The following RGS6 variants were observed in gnomAD, a reference collection of about 807,000 sequenced individuals.
RGS6 encodes the protein regulator of G protein signaling 6, also known as regulator of G-protein signaling 6.
Under a neutral mutation model 78.5 loss-of-function variants are expected in RGS6, and 30 were observed. The ratio of observed to expected loss-of-function variants is 0.38; its 90% CI spans 0.29 to 0.52. The LOEUF (loss-of-function observed/expected upper bound fraction) is 0.52. Among genes scored for constraint, RGS6 ranks in the 20% least tolerant of loss-of-function variants. The probability of loss-of-function intolerance (pLI) is 0.85; values close to 1 mark genes in which losing one functional copy is unlikely to be tolerated. For synonymous variants in RGS6, 206 were observed against 206.0 expected (o/e 1.00, Z 0.00); for missense variants, 495 against 609.7 (o/e 0.81, Z 1.98).
At chr14:72,619,275 T>A in the RGS6 span, 5 of 1,535,378 alleles carry the variant, frequency 3.3e-6, no homozygotes, top group Non-Finnish European at 4.4e-6. Context: ...CAGCAGCGAG[T>A]CACATTCTGT....
chr14:72,026,812 G>A (rs1567047447), intron 2 of RGS6, among the ~76,000 whole-genome samples: 1 of 152,170 alleles, frequency 6.6e-6, no homozygotes, highest in African/African-American at 2.4e-5. Context: ...ATTGTTATTT[G>A]AAAAAACAAG....
At chr14:72,523,070 C>T (rs2097070351) in intron 15 of RGS6, among the ~76,000 whole-genome samples, 1 of 152,216 alleles carries the variant, frequency 6.6e-6, no homozygotes, top group South Asian at 2.1e-4. Flanking sequence ...TGGCTGCCTG[C>T]CCCAGCAAAG....
At chr14:72,326,581 T>C (rs1243065338) in intron 2 of RGS6, among the ~76,000 whole-genome samples, 1 of 152,206 alleles carries the variant, frequency 6.6e-6, no homozygotes, top group Admixed American at 6.5e-5. Context: ...GTTTGCCTTC[T>C]GCGGTGACTG....
intron 3 of RGS6, among the ~76,000 whole-genome samples, chr14:72,387,783 T>C (rs1183604361): frequency 2.6e-5 from 4 of 152,198 alleles, no homozygotes; most frequent in East Asian, 3.8e-4. Context: ...ACAGACCAGA[T>C]GGTTTAAACA....
At chr14:71,893,364 C>T in the RGS6 span, among the ~76,000 whole-genome samples, 1 of 152,206 alleles carries the variant, frequency 6.6e-6, no homozygotes, top group Non-Finnish European at 1.5e-5. Flanking sequence ...AGGGCCATTA[C>T]CTTCTCTCTA....
In RGS6 at chr14:72,565,084, A is replaced by C. The variant is rs956735740; in HGVS notation, c.*2617A>C. On this transcript the variant is annotated 3_prime_UTR_variant, in exon 18 of 18. Coordinates refer to ENST00000553525, the MANE Select transcript of RGS6 (RefSeq NM_001204424.2). ...CCATTGGCCTGGTCTACACAGCCAA[A>C]AATTCAGACTAGATTAGATGTTTGC... The C allele has an allele frequency of 6.6e-6, 1 of 152,232 alleles. No individual in the cohort carries two copies. The highest frequency in any genetic ancestry group is 2.4e-5 in the African/African-American group (1 of 41,462). The allele number at this position is 152,232 out of a possible 1,614,324, so 9.4% of individuals were successfully genotyped here. A position where few individuals can be genotyped will look rare whatever the true frequency, so the allele number is the denominator to read the frequency against.
chr14:72,510,859 C>T (rs560834488), intron 14 of RGS6, among the ~76,000 whole-genome samples: 20 of 152,232 alleles, frequency 1.3e-4, no homozygotes, highest in Middle Eastern at 3.4e-3. Context: ...GATCATCTGA[C>T]GCCAGTGAGA....
the RGS6 span, among the ~76,000 whole-genome samples, chr14:72,577,842 G>T: frequency 6.6e-6 from 1 of 152,166 alleles, no homozygotes; most frequent in Non-Finnish European, 1.5e-5. Context: ...TGAGCCATCG[G>T]CCCCAGTAAC....
chr14:71,867,503 T>C, the RGS6 span, among the ~76,000 whole-genome samples: 2 of 152,086 alleles, frequency 1.3e-5, no homozygotes, highest in African/African-American at 2.4e-5. Flanking sequence ...GAGAACAGTA[T>C]GAAAAGCAGC....
At chr14:72,322,578 T>C (rs773206008) in intron 2 of RGS6, among the ~76,000 whole-genome samples, 3 of 152,026 alleles carry the variant, frequency 2.0e-5, no homozygotes, top group Non-Finnish European at 4.4e-5. Context: ...TTCTGATAAA[T>C]AGAGCACACA....
At chr14:72,106,255 C>T (rs185600210) in intron 2 of RGS6, among the ~76,000 whole-genome samples, 96 of 152,280 alleles carry the variant, frequency 6.3e-4, no homozygotes, top group Non-Finnish European at 1.2e-3. Flanking sequence ...TCAAACTACA[C>T]AAAATAAGCA....
chr14:72,037,949 A>G (rs944530028), intron 2 of RGS6, among the ~76,000 whole-genome samples: 7 of 133,126 alleles, frequency 5.3e-5, no homozygotes, highest in African/African-American at 2.0e-4. Flanking sequence ...TTTTGCCAAT[A>G]CCATGCTGTC....
chr14:72,049,761 C>T (rs899674603), intron 2 of RGS6, among the ~76,000 whole-genome samples: 25 of 152,320 alleles, frequency 1.6e-4, no homozygotes, highest in African/African-American at 5.5e-4. Context: ...AAACTCTGAA[C>T]AGGAAGCCTT....
intron 2 of RGS6, among the ~76,000 whole-genome samples, chr14:72,228,759 T>C (rs544606705): frequency 2.6e-5 from 4 of 152,086 alleles, no homozygotes; most frequent in Admixed American, 6.5e-5. Flanking sequence ...AAGATTCTAG[T>C]TCGGGGCTGG....
intron 2 of RGS6, among the ~76,000 whole-genome samples, chr14:72,098,310 G>C (rs918654890): frequency 6.6e-6 from 1 of 152,190 alleles, no homozygotes; most frequent in Non-Finnish European, 1.5e-5. Flanking sequence ...CTGGCCTCTT[G>C]GCTAAGATAA....
At chr14:72,267,261 T>C (rs545715834) in intron 2 of RGS6, among the ~76,000 whole-genome samples, 1 of 152,336 alleles carries the variant, frequency 6.6e-6, no homozygotes, top group East Asian at 1.9e-4. Flanking sequence ...AATTTTTATA[T>C]GTTTAGATGA....
At chr14:72,542,743 C>A (rs2097343227) in intron 17 of RGS6, among the ~76,000 whole-genome samples, 1 of 152,034 alleles carries the variant, frequency 6.6e-6, no homozygotes, top group African/African-American at 2.4e-5. Flanking sequence ...TTCAGAATTT[C>A]TCCCCAGAAC....
rs55686505 is a variant in RGS6 at position 71,936,015 on chromosome 14, GATATATATATAT to G, written c.-21+3089_-21+3100del. Among the ~76,000 whole-genome samples, 96 of 63,800 alleles carry G rather than the reference GATATATATATAT, an allele frequency of 1.5e-3. 3 individuals carry two copies. Among genetic ancestry groups the G allele is most frequent in the Admixed American group, 4.6e-3 (25 of 5,446 alleles). 41.9% of individuals were successfully genotyped at this position (63,800 alleles called of 152,430 possible). On this transcript the variant is annotated intron_variant, in intron 1 of 17. Transcript: ENST00000553525. ...TCTCTTAGAGGGACAGAACTAATAG[GATATATATATAT>G]ATATATATATATATGTACATATATA... is the stretch of plus-strand genomic sequence containing the variant.
At chr14:72,478,521 A>C (rs1365137543) in intron 12 of RGS6, among the ~76,000 whole-genome samples, 192 bp downstream of exon 12, 6 of 152,188 alleles carry the variant, frequency 3.9e-5, no homozygotes, top group African/African-American at 1.2e-4. Flanking sequence ...AGTGATGTCA[A>C]GAAATGTTCC....
Sources: gnomAD v4.1 joint callset for allele counts (sites outside exome capture counted in the v4.1 genomes callset) on GRCh38, gnomAD v4.1.1 for gene constraint, MANE v1.5 for transcripts, NCBI Gene and HGNC (gene_info 2026-07-23, HGNC 2026-07-21) for gene names.